ADGRG5: variants seen among roughly 807,000 people sequenced by gnomAD.
ADGRG5 encodes adhesion G protein-coupled receptor G5, also known as G protein-coupled receptor 114.
ADGRG5 carries 37 observed loss-of-function variants against 53.2 expected under a neutral mutation model. That is an observed-to-expected ratio of 0.70 (90% CI 0.53 to 0.91). The LOEUF is 0.91. Ranked by LOEUF, ADGRG5 falls within the 40% of genes least tolerant of loss-of-function variation. The probability of loss-of-function intolerance (pLI) is 0.00; values close to 1 mark genes in which losing one functional copy is unlikely to be tolerated. For missense variants in ADGRG5, 614 were observed against 675.8 expected (o/e 0.91, Z 1.01); for synonymous variants, 277 against 290.4 (o/e 0.95, Z 0.47).
chr16:57,559,213 G>A (rs1383157449), intron 1 of ADGRG5, among the ~76,000 whole-genome samples: 1 of 152,194 alleles, frequency 6.6e-6, no homozygotes, highest in Non-Finnish European at 1.5e-5. Flanking sequence ...TCCTGCAGCA[G>A]CAGCAGTCAA....
chr16:57,546,254 G>T (rs2032617947), intron 1 of ADGRG5, among the ~76,000 whole-genome samples: 1 of 152,154 alleles, frequency 6.6e-6, no homozygotes, highest in Non-Finnish European at 1.5e-5. Flanking sequence ...ATCCCAAGCA[G>T]CTGAAACTAC....
rs150775144 is a variant in ADGRG5, at chr16:57,561,555, C to G, written c.-38-501C>G. Among the ~76,000 whole-genome samples, 295 of 152,284 alleles carry G rather than the reference C, an allele frequency of 1.9e-3. 2 individuals are homozygous for G. The highest frequency in any genetic ancestry group is 6.8e-3 in the African/African-American group (282 of 41,550). On this transcript the variant is annotated intron_variant, in intron 1 of 11. Transcript: ENST00000349457. The stretch of plus-strand genomic sequence containing the variant: ...TGGCTTTGTGCCTATTTTATTCATT[C>G]CCTCTCATTTTAGTGGGGCTTTAAG...
intron 1 of ADGRG5, among the ~76,000 whole-genome samples, chr16:57,549,075 A>G (rs2032689731): frequency 6.6e-6 from 1 of 152,216 alleles, no homozygotes; most frequent in Admixed American, 6.5e-5. Flanking sequence ...CTATTGATAG[A>G]CATTCACATA....
At chr16:57,536,828 C>CG in the ADGRG5 span, among the ~76,000 whole-genome samples, 25 of 152,166 alleles carry the variant, frequency 1.6e-4, no homozygotes, top group East Asian at 2.3e-3. Flanking sequence ...CCGAGAGTTG[C>CG]GGGGGGGCTC....
upstream of ADGRG5, among the ~76,000 whole-genome samples, chr16:57,541,613 G>C (rs1260307080): frequency 6.6e-6 from 1 of 152,202 alleles, no homozygotes; most frequent in Non-Finnish European, 1.5e-5. Context: ...CCCCAGTGAG[G>C]CAGAGAGCGG....
chr16:57,547,539 G>C (rs1312623054), intron 1 of ADGRG5, among the ~76,000 whole-genome samples: 1 of 152,190 alleles, frequency 6.6e-6, no homozygotes, highest in Non-Finnish European at 1.5e-5. Flanking sequence ...CCGCCTACTG[G>C]GTTCAAGCGA....
intron 10 of ADGRG5, among the ~76,000 whole-genome samples, chr16:57,572,454 C>T (rs962453159): frequency 2.0e-5 from 3 of 151,076 alleles, no homozygotes; most frequent in African/African-American, 7.3e-5. Context: ...GCCTGGGCGA[C>T]AGCGAGACTC....
chr16:57,539,455 T>C (rs72791640), upstream of ADGRG5, among the ~76,000 whole-genome samples: 27 of 33,918 alleles, frequency 8.0e-4, no homozygotes, highest in South Asian at 3.1e-3. Context: ...ACTGTACCCC[T>C]TTTTTTTTTT....
At chr16:57,549,197 C>G (rs1473239148) in intron 1 of ADGRG5, among the ~76,000 whole-genome samples, 1 of 152,142 alleles carries the variant, frequency 6.6e-6, no homozygotes, top group African/African-American at 2.4e-5. Context: ...AGTTTCCTGG[C>G]TTAAAGGATA....
chr16:57,573,815 G>T (rs988492297), intron 10 of ADGRG5, among the ~76,000 whole-genome samples: 4 of 152,072 alleles, frequency 2.6e-5, no homozygotes, highest in Non-Finnish European at 4.4e-5. Flanking sequence ...TCTGCCTCTC[G>T]GGTTCAAGTG....
intron 9 of ADGRG5, among the ~76,000 whole-genome samples, chr16:57,568,724 T>TCGC (rs2033226157): frequency 7.0e-6 from 1 of 141,996 alleles, no homozygotes; most frequent in Non-Finnish European, 1.5e-5. Flanking sequence ...TCAACCTCCA[T>TCGC]CATCACCTCT....
intron 1 of ADGRG5, chr16:57,542,993 G>A (rs1387434207): frequency 2.6e-5 from 4 of 152,308 alleles, no homozygotes; most frequent in Non-Finnish European, 5.9e-5. Flanking sequence ...GTGAAGAGAG[G>A]TTTCTTTTCT....
chr16:57,562,013 G>A (rs2033013064), intron 1 of ADGRG5, 43 bp from the exon 2 acceptor site: 12 of 1,137,982 alleles, frequency 1.1e-5, no homozygotes, highest in Non-Finnish European at 1.5e-5. Flanking sequence ...GAAGTTAGAG[G>A]TTGCTCTTTT....
chr16:57,566,072 TC>T (rs2033124120), intron 6 of ADGRG5: 1 of 152,614 alleles, frequency 6.6e-6, no homozygotes, highest in Non-Finnish European at 1.5e-5. Context: ...GGCCCCCACC[TC>T]CCCTTCTCCC....
chr16:57,565,217 G>C, intron 6 of ADGRG5, 67 bp downstream of exon 6: 1 of 918,680 alleles, frequency 1.1e-6, no homozygotes, highest in Non-Finnish European at 1.8e-6. Context: ...GTTGAACACT[G>C]GTTTGACTAG....
At chr16:57,558,663 G>A (rs957310537) in intron 1 of ADGRG5, among the ~76,000 whole-genome samples, 1 of 152,184 alleles carries the variant, frequency 6.6e-6, no homozygotes, top group African/African-American at 2.4e-5. Flanking sequence ...AGTGCAGGCA[G>A]ACTTCTTCCC....
At chr16:57,543,309 G>C (rs948671341) in intron 1 of ADGRG5, 1 of 132,682 alleles carries the variant, frequency 7.5e-6, no homozygotes, top group East Asian at 2.2e-4. Flanking sequence ...TTGAGACGGA[G>C]TCTTGCTTTG....
At chr16:57,563,350 C>A (rs2033051180) in intron 4 of ADGRG5, 103 bp downstream of exon 4, 2 of 991,508 alleles carry the variant, frequency 2.0e-6, no homozygotes, top group East Asian at 2.5e-5. Flanking sequence ...TCTTCCTCCC[C>A]ACACCCCACA....
chr16:57,563,960 C>T lies in ADGRG5; in HGVS notation c.410C>T (p.Ser137Phe). Residue 137 changes from serine (S) to phenylalanine (F), a missense_variant, in exon 5 of 12, where the codon TCC (serine) becomes TTC (phenylalanine). Ser to Phe is a radical substitution (Grantham distance 155). Transcript: ENST00000349457. Reference sequence around the variant, plus strand: ...CTGCGGCTCATCTGTATCTACTTCTCCAACACCCACTTTTTCAAGGTCAGT... The same window carrying T: ...CTGCGGCTCATCTGTATCTACTTCTTCAACACCCACTTTTTCAAGGTCAGT... ...RELRLICIYFSNTHFFKDENN... is the reference protein window; with the variant it reads ...RELRLICIYFFNTHFFKDENN... 1.9e-6 allele frequency: 3 copies of T among 1,613,004 alleles called. No homozygotes were observed. Among genetic ancestry groups the T allele is most frequent in the Non-Finnish European group, 2.5e-6 (3 of 1,179,130 alleles).
Sources: allele counts gnomAD v4.1 joint callset (sites outside exome capture counted in the v4.1 genomes callset), GRCh38; gene constraint gnomAD v4.1.1; transcripts MANE v1.5; gene names NCBI Gene and HGNC (gene_info 2026-07-23, HGNC 2026-07-21).